The following AATF variants were observed in gnomAD, a reference collection of about 807,000 sequenced individuals.
The protein encoded by AATF is apoptosis antagonizing transcription factor.
AATF carries 48 observed loss-of-function variants against 63.7 expected under a neutral mutation model. The observed-to-expected ratio is 0.75, with a 90% CI of 0.60 to 0.96. AATF has a LOEUF of 0.96. Among genes scored for constraint, AATF ranks in the 40% least tolerant of loss-of-function variants. AATF has a pLI of 0.00. For missense variants in AATF, 639 were observed against 685.7 expected (o/e 0.93, Z 0.76); for synonymous variants, 258 against 247.7 (o/e 1.04, Z -0.39).
At position 37,005,129 on chromosome 17, in the gene AATF, G is replaced by A. The variant is rs940137167; in HGVS notation, c.1399-13876G>A. Among the ~76,000 whole-genome samples the A allele has an allele frequency of 8.0e-5, 12 of 149,836 alleles. 1 individual carries two copies. The highest frequency in any genetic ancestry group is 6.6e-4 in the Admixed American group (10 of 15,140). On this transcript the variant is annotated intron_variant, in intron 8 of 11. Transcript: ENST00000619387. ...ATTTTGCTACAGAAATTTTGTGTTT[G>A]ACTTTGGGGTGCTGCCCCAGACTCC...
intron 8 of AATF, among the ~76,000 whole-genome samples, chr17:37,010,940 T>C (rs1355238251): frequency 6.6e-6 from 1 of 152,164 alleles, no homozygotes; most frequent in African/African-American, 2.4e-5. Flanking sequence ...CCTGACACAT[T>C]TGCTTTTTGA....
intron 4 of AATF, among the ~76,000 whole-genome samples, chr17:36,976,477 CT>C (rs1353391528): frequency 6.6e-6 from 1 of 152,150 alleles, no homozygotes; most frequent in East Asian, 1.9e-4. Context: ...TTGTTTTCCT[CT>C]TCTTGAAAGG....
intron 8 of AATF, 175 bp from the exon 9 acceptor site, chr17:37,018,830 A>G: frequency 1.6e-6 from 1 of 609,798 alleles, no homozygotes; most frequent in Non-Finnish European, 2.9e-6. Flanking sequence ...TTTTAAAGAT[A>G]TATAACTATG....
chr17:36,996,476 C>T (rs996640377), intron 8 of AATF, among the ~76,000 whole-genome samples: 1 of 152,000 alleles, frequency 6.6e-6, no homozygotes, highest in African/African-American at 2.4e-5. Flanking sequence ...GAAGATATAG[C>T]ATGGAATTAG....
In AATF at chr17:37,056,712, C is replaced by T; in HGVS notation, c.*48C>T. The T allele has an allele frequency of 6.3e-7, 1 of 1,594,370 alleles. No homozygotes were observed. Among genetic ancestry groups the T allele is most frequent in the Non-Finnish European group, 8.6e-7 (1 of 1,162,668 alleles). ...GTGGGCGCCTTGGCTGGTGCGGCTGCTGGTCCAGATGGAGGAAACCAGTGA... is the reference window on the plus strand; with the variant it reads ...GTGGGCGCCTTGGCTGGTGCGGCTGTTGGTCCAGATGGAGGAAACCAGTGA... On this transcript the variant is annotated 3_prime_UTR_variant, in exon 12 of 12. Coordinates refer to ENST00000619387, the MANE Select transcript of AATF (RefSeq NM_012138.4).
At chr17:37,026,858 G>GC (rs894143568) in intron 10 of AATF, among the ~76,000 whole-genome samples, 2 of 152,026 alleles carry the variant, frequency 1.3e-5, no homozygotes, top group African/African-American at 4.8e-5. Flanking sequence ...AAACCAAGTG[G>GC]CCCCCCAGGC....
chr17:36,978,927 T>G (rs1044017469), intron 4 of AATF, among the ~76,000 whole-genome samples: 1 of 151,926 alleles, frequency 6.6e-6, no homozygotes, highest in African/African-American at 2.4e-5. Flanking sequence ...TGTTAAGGCT[T>G]ATTGTTATTC....
intron 11 of AATF, among the ~76,000 whole-genome samples, chr17:37,051,867 G>A (rs2071754841): frequency 6.6e-6 from 1 of 152,140 alleles, no homozygotes; most frequent in Admixed American, 6.5e-5. Flanking sequence ...CTGCACTAGA[G>A]ATAGGTAATT....
At chr17:37,025,748 C>T (rs1295239191) in intron 10 of AATF, among the ~76,000 whole-genome samples, 1 of 152,088 alleles carries the variant, frequency 6.6e-6, no homozygotes, top group Non-Finnish European at 1.5e-5. Flanking sequence ...TTCATAAAAG[C>T]CTTTTGGAAT....
At position 36,953,789 on chromosome 17, in the gene AATF, G is replaced by A; in HGVS notation, c.714G>A (p.Leu238=). The A allele has an allele frequency of 6.2e-7, 1 of 1,613,898 alleles. No homozygotes were observed. The highest frequency in any genetic ancestry group is 8.5e-7 in the Non-Finnish European group (1 of 1,179,968). The change falls in exon 4 of 12, where the codon TTG becomes TTA. Residue 238 remains leucine (L), a synonymous_variant. Coordinates refer to ENST00000619387, the MANE Select transcript of AATF (RefSeq NM_012138.4). ...KNQIALWDQL[L]EGRIKLQKAL... ...TTTCAGCACTGTGGGACCAGCTCTT[G>A]GAAGGAAGGATCAAACTACAAAAAG...
At chr17:36,955,802 G>A (rs556189960) in intron 4 of AATF, among the ~76,000 whole-genome samples, 1 of 152,238 alleles carries the variant, frequency 6.6e-6, no homozygotes, top group Non-Finnish European at 1.5e-5. Flanking sequence ...TTGCTCTGTT[G>A]CCCAGGCTGG....
At chr17:37,035,926 T>C (rs1291762114) in intron 11 of AATF, among the ~76,000 whole-genome samples, 1 of 152,116 alleles carries the variant, frequency 6.6e-6, no homozygotes, top group Non-Finnish European at 1.5e-5. Context: ...AATGAATTTA[T>C]TATTTTTTTT....
In AATF at chr17:36,953,010, CA is replaced by C; in HGVS notation, c.410del (p.Lys137ArgfsTer73). On this transcript the variant is annotated frameshift_variant, in exon 3 of 12. Coordinates refer to ENST00000619387, the MANE Select transcript of AATF (RefSeq NM_012138.4). LOFTEE classifies it high-confidence loss of function. ...EQECGDHRES[K>X]KSRSHSAKTP... is the part of the protein sequence containing the mutation. ...AGGAGTGTGGTGATCACAGGGAGAGCAAGAAGAGCAGAAGCCACTCTGCAAA... is the reference window on the plus strand; with the variant it reads ...AGGAGTGTGGTGATCACAGGGAGAGCAGAAGAGCAGAAGCCACTCTGCAAA... 1 of 1,614,032 alleles carries C rather than the reference CA, an allele frequency of 6.2e-7. No individual in the cohort carries two copies. The highest frequency in any genetic ancestry group is 1.7e-5 in the Admixed American group (1 of 59,998).
chr17:37,001,965 G>A (rs1397335771), intron 8 of AATF, among the ~76,000 whole-genome samples: 2 of 152,120 alleles, frequency 1.3e-5, no homozygotes, highest in African/African-American at 4.8e-5. Flanking sequence ...ACACTGGGAG[G>A]CCAAGTGGGT....
At chr17:37,009,537 G>T (rs902627661) in intron 8 of AATF, among the ~76,000 whole-genome samples, 6 of 151,736 alleles carry the variant, frequency 4.0e-5, no homozygotes, top group Non-Finnish European at 7.4e-5. Flanking sequence ...AACCATCCAG[G>T]CCGGGCGCGG....
In AATF at chr17:36,993,158, G is replaced by A. The variant is rs147238116; in HGVS notation, c.1398+2301G>A. ...TAATCACTTACCACTCTTTGGCAGC[G>A]GGCTACGACAGCTTATCCTAGCCTC... On this transcript the variant is annotated intron_variant, in intron 8 of 11. Coordinates refer to ENST00000619387, the MANE Select transcript of AATF (RefSeq NM_012138.4). 1.8e-4 allele frequency among the ~76,000 whole-genome samples: 28 copies of A among 152,262 alleles called. No homozygotes were observed. In the East Asian group the frequency reaches 3.8e-3, roughly 21 times the overall value.
chr17:36,978,235 C>T (rs2071093542), intron 4 of AATF, among the ~76,000 whole-genome samples: 1 of 152,074 alleles, frequency 6.6e-6, no homozygotes, highest in Admixed American at 6.6e-5. Context: ...CTTGTACTTA[C>T]TCCCCCAATT....
intron 4 of AATF, among the ~76,000 whole-genome samples, chr17:36,963,301 A>G (rs1359858008): frequency 6.6e-6 from 1 of 152,172 alleles, no homozygotes; most frequent in African/African-American, 2.4e-5. Flanking sequence ...CAGAATATCA[A>G]TCTAGTGCTT....
intron 8 of AATF, among the ~76,000 whole-genome samples, chr17:37,016,470 C>G (rs2071429352): frequency 6.6e-6 from 1 of 152,266 alleles, no homozygotes; most frequent in South Asian, 2.1e-4. Flanking sequence ...ATAATCAAGC[C>G]TTTCCGAATT....
Sources: allele counts gnomAD v4.1 joint callset (sites outside exome capture counted in the v4.1 genomes callset), GRCh38; gene constraint gnomAD v4.1.1; transcripts MANE v1.5; gene names NCBI Gene and HGNC (gene_info 2026-07-23, HGNC 2026-07-21).